FAT4: variants seen among roughly 807,000 people sequenced by gnomAD.
FAT4 encodes protocadherin Fat 4.
FAT4 carries 84 observed loss-of-function variants against 303.9 expected under a neutral mutation model. That is an observed-to-expected ratio of 0.28 (90% CI 0.23 to 0.33). The LOEUF is 0.33. FAT4 is among the 10% of genes least tolerant of loss of function. FAT4 has a pLI of 1.00. For missense variants in FAT4, 6,005 were observed against 6,146.8 expected (o/e 0.98, Z 0.77); for synonymous variants, 2,307 against 2,298.8 (o/e 1.00, Z -0.10).
chr4:125,373,566 A>C (rs1046684374), intron 2 of FAT4, among the ~76,000 whole-genome samples: 2 of 152,224 alleles, frequency 1.3e-5, no homozygotes, highest in Admixed American at 1.3e-4. Flanking sequence ...AACAAATGAA[A>C]TTTAAGTGTA....
intron 11 of FAT4, among the ~76,000 whole-genome samples, chr4:125,465,369 G>A (rs1302311028): frequency 1.3e-5 from 2 of 152,076 alleles, no homozygotes; most frequent in East Asian, 3.9e-4. Context: ...TTTAAGTGGT[G>A]CTGCTTTCTA....
chr4:125,322,629 A>T (rs535116244), intron 2 of FAT4, among the ~76,000 whole-genome samples: 9 of 152,112 alleles, frequency 5.9e-5, no homozygotes, highest in Non-Finnish European at 1.2e-4. Flanking sequence ...CAGACACAAC[A>T]TGCAAGTGAA....
chr4:125,359,856 A>G (rs28407678), intron 2 of FAT4, among the ~76,000 whole-genome samples: 15,514 of 152,056 alleles, frequency 0.1, 1,021 homozygotes, highest in African/African-American at 0.19. Context: ...GCCTGTTTAA[A>G]TTTCTTTTAC....
chr4:125,451,498 C>T lies in FAT4; in HGVS notation c.10488C>T (p.Ala3496=), dbSNP rs1266877301. Residue 3496 remains alanine (A), a synonymous_variant, in exon 10 of 18, where the codon GCC becomes GCT. Transcript: ENST00000394329. ...GGACCCCCTCAGCTACAGGTAGTGCCTCTTTATTAGTCACCCTGGAAGATA... is the reference window on the plus strand; with the variant it reads ...GGACCCCCTCAGCTACAGGTAGTGCTTCTTTATTAGTCACCCTGGAAGATA... The part of the protein sequence containing the change: ...DSGTPSATGS[A]SLLVTLEDIN... 3.1e-6 allele frequency: 5 copies of T among 1,614,120 alleles called. No homozygotes were observed. The highest frequency in any genetic ancestry group is 1.6e-4 in the Middle Eastern group (1 of 6,062).
rs1280765139 is a variant in FAT4, at chr4:125,398,880, A to G, written c.5272A>G (p.Lys1758Glu). 1 of 1,613,316 alleles carries G rather than the reference A, an allele frequency of 6.2e-7. No individual in the cohort carries two copies. Among genetic ancestry groups the G allele is most frequent in the Admixed American group, 1.7e-5 (1 of 59,982 alleles). ...TVEENIGDGS[K>E]IMQLTAMDAD... ...AGAGGAGAACATTGGAGATGGCTCT[A>G]AGATTATGCAGCTGACAGCCATGGA... Residue 1758 changes from lysine to glutamate, a missense_variant, in exon 3 of 18, where the codon AAG becomes GAG. Transcript: ENST00000394329.
chr4:125,450,833 G>A lies in FAT4; in HGVS notation c.9823G>A (p.Val3275Ile). 6.2e-7 allele frequency: 1 copy of A among 1,614,102 alleles called. No homozygotes were observed. The highest frequency in any genetic ancestry group is 8.5e-7 in the Non-Finnish European group (1 of 1,180,020). ...CCATCTTACTGTGAAAGCCTTCAAT[G>A]TCCCCGATGAGGAAAGGTGTAGCTT... is the stretch of plus-strand genomic sequence containing the variant. ...SYHLTVKAFN[V>I]PDEERCSFAT... The change falls in exon 10 of 18, where the codon GTC (valine) becomes ATC (isoleucine). Residue 3275 changes from valine (V) to isoleucine (I), a missense_variant. Val to Ile is a conservative substitution (Grantham distance 29, BLOSUM62 3). Transcript: ENST00000394329.
intron 5 of FAT4, among the ~76,000 whole-genome samples, chr4:125,410,796 A>G (rs978340271): frequency 2.0e-5 from 3 of 152,138 alleles, no homozygotes; most frequent in Non-Finnish European, 4.4e-5. Context: ...GCACAGAAAT[A>G]CATTGACCAT....
intron 2 of FAT4, among the ~76,000 whole-genome samples, chr4:125,333,871 C>CT (rs1731475904): frequency 1.3e-5 from 2 of 152,128 alleles, no homozygotes; most frequent in Admixed American, 1.3e-4. Flanking sequence ...CACATACACT[C>CT]TAACTTTTCC....
chr4:125,448,614 A>G lies in FAT4; in HGVS notation c.7604A>G (p.Glu2535Gly). The G allele has an allele frequency of 6.2e-7, 1 of 1,613,980 alleles. No individual in the cohort carries two copies. The highest frequency in any genetic ancestry group is 8.5e-7 in the Non-Finnish European group (1 of 1,179,896). Residue 2535 changes from glutamate (E) to glycine (G), a missense_variant, in exon 10 of 18, where the codon GAA becomes GGA. Glu to Gly is a moderately conservative substitution (Grantham distance 98). Transcript: ENST00000394329. ...GCCGGACCACTAAACGGAGCTTCAG[A>G]AGTGACATTTTCTGTGCATGTAAAA... ...MAAGPLNGAS[E>G]VTFSVHVKDG...
At chr4:125,335,505 A>G (rs1731536772) in intron 2 of FAT4, among the ~76,000 whole-genome samples, 1 of 152,076 alleles carries the variant, frequency 6.6e-6, no homozygotes, top group African/African-American at 2.4e-5. Context: ...ATTTGGGAAA[A>G]AAATGGCCTA....
Position 125,449,806 on chromosome 4 carries a change from A to G in FAT4, c.8796A>G (p.Lys2932=). 1 of 1,613,900 alleles carries G rather than the reference A, an allele frequency of 6.2e-7. No individual in the cohort carries two copies. The highest frequency in any genetic ancestry group is 8.5e-7 in the Non-Finnish European group (1 of 1,179,902). The change falls in exon 10 of 18, where the codon AAA becomes AAG. Residue 2932 remains lysine, a synonymous_variant. Coordinates refer to ENST00000394329, the MANE Select transcript of FAT4 (RefSeq NM_001291303.3). ...CCACCACTGGAGAGATTTTCAATAA[A>G]CAGATCTTAAAATACCAAAATGTCA... ...INATTGEIFN[K]QILKYQNVTG... is the part of the protein sequence containing the mutation.
chr4:125,477,239 A>G lies in FAT4; in HGVS notation c.12384A>G (p.Glu4128=). The G allele has an allele frequency of 1.3e-6, 2 of 1,553,976 alleles. No individual in the cohort carries two copies. Among genetic ancestry groups the G allele is most frequent in the Middle Eastern group, 1.7e-4 (1 of 5,842 alleles). ...EPILQRRGHV[E]SHDFVGCIME... is the part of the protein sequence containing the mutation. ...TCCTTCAGAGAAGAGGACACGTGGAAAGCCATGATTTTGTTGGGTGTATAA... is the reference window on the plus strand; with the variant it reads ...TCCTTCAGAGAAGAGGACACGTGGAGAGCCATGATTTTGTTGGGTGTATAA... The change falls in exon 14 of 18, where the codon GAA becomes GAG. Residue 4128 remains glutamate, a synonymous_variant. Coordinates refer to ENST00000394329, the MANE Select transcript of FAT4 (RefSeq NM_001291303.3).
chr4:125,474,980 A>G (rs2126081924), intron 12 of FAT4, among the ~76,000 whole-genome samples: 1 of 152,248 alleles, frequency 6.6e-6, no homozygotes, highest in African/African-American at 2.4e-5. Context: ...CTGATAAATG[A>G]ATAGTTGCAT....
intron 7 of FAT4, among the ~76,000 whole-genome samples, chr4:125,432,650 A>G (rs1304984308): frequency 6.6e-6 from 1 of 152,140 alleles, no homozygotes; most frequent in Non-Finnish European, 1.5e-5. Flanking sequence ...TATGCATATT[A>G]CCAATAGATT....
chr4:125,451,959 A>AGAG lies in FAT4; in HGVS notation c.10949_10950insGAG (p.His3650delinsGlnSer). On this transcript the variant is annotated protein_altering_variant, in exon 10 of 18. Coordinates refer to ENST00000394329, the MANE Select transcript of FAT4 (RefSeq NM_001291303.3). ...GATCCAGATGTGTTAGACAGCTTCC[A>AGAG]CTGCTCCCTTACTTCAGGAGTTACC... The AGAG allele has an allele frequency of 6.2e-7, 1 of 1,614,108 alleles. No homozygotes were observed. The highest frequency in any genetic ancestry group is 8.5e-7 in the Non-Finnish European group (1 of 1,180,016).
intron 16 of FAT4, among the ~76,000 whole-genome samples, chr4:125,484,818 G>A (rs937312864): frequency 6.6e-6 from 1 of 151,996 alleles, no homozygotes; most frequent in Non-Finnish European, 1.5e-5. Context: ...AATAAAAAAG[G>A]TACAGTAAAA....
chr4:125,479,113 C>T (rs1269389960), intron 14 of FAT4, among the ~76,000 whole-genome samples: 1 of 152,114 alleles, frequency 6.6e-6, no homozygotes, highest in Non-Finnish European at 1.5e-5. Context: ...GATATTCTAC[C>T]AGATATACTT....
intron 5 of FAT4, among the ~76,000 whole-genome samples, chr4:125,411,624 G>A (rs558759421): frequency 9.2e-5 from 14 of 151,382 alleles, no homozygotes; most frequent in Admixed American, 7.9e-4. Flanking sequence ...ACAAATATTA[G>A]TTCTTTATAG....
chr4:125,457,137 A>ACC (rs1726308629), intron 10 of FAT4, among the ~76,000 whole-genome samples: 1 of 122,164 alleles, frequency 8.2e-6, no homozygotes, highest in South Asian at 2.7e-4. Context: ...ACACACACAC[A>ACC]CACACACACA....
Sources: allele counts gnomAD v4.1 joint callset (sites outside exome capture counted in the v4.1 genomes callset), GRCh38; gene constraint gnomAD v4.1.1; transcripts MANE v1.5; gene names NCBI Gene and HGNC (gene_info 2026-07-23, HGNC 2026-07-21).